The following TDRD3 variants were observed in gnomAD, a reference collection of about 807,000 sequenced individuals.
The protein encoded by TDRD3 is tudor domain containing 3.
In TDRD3, 45 loss-of-function variants were observed where a neutral mutation model predicts 86.7. The ratio of observed to expected loss-of-function variants is 0.52; its 90% CI spans 0.41 to 0.67. The LOEUF is 0.67. Ranked by LOEUF, TDRD3 falls within the 30% of genes least tolerant of loss-of-function variation. TDRD3 has a pLI of 0.00. For synonymous variants in TDRD3, 298 were observed against 301.7 expected (o/e 0.99, Z 0.13); for missense variants, 814 against 889.0 (o/e 0.92, Z 1.07).
At chr13:60,545,509 G>A (rs1957919449) in intron 12 of TDRD3, among the ~76,000 whole-genome samples, 1 of 152,010 alleles carries the variant, frequency 6.6e-6, no homozygotes, top group Non-Finnish European at 1.5e-5. Context: ...GATTCAAACT[G>A]TAAAATTTAG....
At chr13:60,412,898 A>G (rs1954399583) in intron 1 of TDRD3, among the ~76,000 whole-genome samples, 1 of 152,180 alleles carries the variant, frequency 6.6e-6, no homozygotes, top group African/African-American at 2.4e-5. Context: ...TATGTAAAAT[A>G]TGATTATAGA....
At chr13:60,422,374 C>T (rs1201269269) in intron 1 of TDRD3, among the ~76,000 whole-genome samples, 2 of 152,070 alleles carry the variant, frequency 1.3e-5, no homozygotes, top group Non-Finnish European at 2.9e-5. Flanking sequence ...TGTAAAACAG[C>T]CCAATGTCAC....
chr13:60,432,257 A>G (rs1416487915), intron 1 of TDRD3, among the ~76,000 whole-genome samples: 1 of 152,058 alleles, frequency 6.6e-6, no homozygotes, highest in African/African-American at 2.4e-5. Context: ...CTGGTGTTCC[A>G]TTTTATATTC....
At chr13:60,488,463 A>G (rs1956500276) in intron 7 of TDRD3, among the ~76,000 whole-genome samples, 1 of 152,218 alleles carries the variant, frequency 6.6e-6, no homozygotes, top group Non-Finnish European at 1.5e-5. Flanking sequence ...GGCTGATTTC[A>G]ATGGTAAATG....
At chr13:60,522,620 T>A (rs1260175253) in intron 10 of TDRD3, among the ~76,000 whole-genome samples, 2 of 152,186 alleles carry the variant, frequency 1.3e-5, no homozygotes, top group African/African-American at 4.8e-5. Context: ...TAAAAAGCTA[T>A]GTAGTCTTTC....
At chr13:60,459,917 G>A (rs907919656) in intron 3 of TDRD3, among the ~76,000 whole-genome samples, 4 of 152,050 alleles carry the variant, frequency 2.6e-5, no homozygotes, top group Non-Finnish European at 4.4e-5. Context: ...TACCACACCC[G>A]GTCCAGAGAG....
In TDRD3 at chr13:60,547,173, A is replaced by G. The variant is rs1017329960; in HGVS notation, c.2118+11940A>G. ...ACTTTGAGGTTGCAATGAATTTCAC[A>G]TAAATGGCAAAGTATAACCAAAAAA... On this transcript the variant is annotated intron_variant, in intron 12 of 13. Transcript: ENST00000377881. The G allele has an allele frequency of 8.5e-6, 7 of 824,226 alleles. No homozygotes were observed. In the East Asian group the frequency reaches 8.6e-4, roughly 102 times the overall value. The allele number at this position is 824,226 out of a possible 1,614,324, so 51.1% of individuals were successfully genotyped here. A position where few individuals can be genotyped will look rare whatever the true frequency, so the allele number is the denominator to read the frequency against.
chr13:60,425,273 CGAAT>C (rs2098315234), intron 1 of TDRD3, among the ~76,000 whole-genome samples: 1 of 152,076 alleles, frequency 6.6e-6, no homozygotes, highest in African/African-American at 2.4e-5. Context: ...CTCAAGATCA[CGAAT>C]GATCAGGGAC....
chr13:60,457,587 A>G (rs1384225326), intron 3 of TDRD3, among the ~76,000 whole-genome samples: 1 of 152,232 alleles, frequency 6.6e-6, no homozygotes, highest in Non-Finnish European at 1.5e-5. Flanking sequence ...CAGGTAACTC[A>G]TTCCATAAGT....
At chr13:60,493,672 A>G (rs1956651748) in intron 7 of TDRD3, among the ~76,000 whole-genome samples, 1 of 152,182 alleles carries the variant, frequency 6.6e-6, no homozygotes, top group Non-Finnish European at 1.5e-5. Context: ...AAAAACAAAA[A>G]CAAAATCTAT....
At chr13:60,556,164 C>T (rs1458816495) in intron 12 of TDRD3, among the ~76,000 whole-genome samples, 2 of 152,116 alleles carry the variant, frequency 1.3e-5, no homozygotes, top group African/African-American at 4.8e-5. Context: ...TTCTTTTAAC[C>T]TATTATTCCA....
chr13:60,489,781 T>C (rs1956539499), intron 7 of TDRD3, among the ~76,000 whole-genome samples: 1 of 152,194 alleles, frequency 6.6e-6, no homozygotes, highest in African/African-American at 2.4e-5. Flanking sequence ...TTTATATAAT[T>C]TGCATGAAAT....
At chr13:60,458,321 T>C (rs1325481025) in intron 3 of TDRD3, among the ~76,000 whole-genome samples, 1 of 152,196 alleles carries the variant, frequency 6.6e-6, no homozygotes, top group Admixed American at 6.5e-5. Flanking sequence ...TGAGTAAAAC[T>C]AGGTAATGTA....
chr13:60,471,490 A>G (rs888610431), intron 5 of TDRD3, among the ~76,000 whole-genome samples: 3 of 152,000 alleles, frequency 2.0e-5, no homozygotes, highest in Non-Finnish European at 4.4e-5. Context: ...TGTTTTGGCT[A>G]TTCAGTATTG....
At chr13:60,528,136 GGT>G (rs1191093798) in intron 10 of TDRD3, among the ~76,000 whole-genome samples, 1 of 152,036 alleles carries the variant, frequency 6.6e-6, no homozygotes, top group African/African-American at 2.4e-5. Context: ...ATTTTTCTGT[GGT>G]CCCTTTTACT....
chr13:60,539,425 A>G (rs946940848), intron 12 of TDRD3, among the ~76,000 whole-genome samples: 2 of 152,082 alleles, frequency 1.3e-5, no homozygotes, highest in Admixed American at 1.3e-4. Flanking sequence ...TTAAATAATT[A>G]TAGGTTATTA....
chr13:60,509,712 C>T, intron 8 of TDRD3, 51 bp from the exon 9 acceptor site: 1 of 1,608,342 alleles, frequency 6.2e-7, no homozygotes, highest in Non-Finnish European at 8.5e-7. Flanking sequence ...AAAGTTTATG[C>T]CTTGCCTTAT....
intron 5 of TDRD3, among the ~76,000 whole-genome samples, chr13:60,473,320 T>C (rs1956110704): frequency 6.6e-6 from 1 of 152,254 alleles, no homozygotes. Context: ...TTGAAGGTCC[T>C]ACCTCTTAAC....
At position 60,490,410 on chromosome 13, in the gene TDRD3, G is replaced by A. The variant is rs113787174; in HGVS notation, c.718-4025G>A. On this transcript the variant is annotated intron_variant, in intron 7 of 13. Transcript: ENST00000377881. ...AAAGCAGGAGCACAGAGAAACAGCGGAGTGGCCAGTGGAAGCAGAGAGAAC... is the reference window on the plus strand; with the variant it reads ...AAAGCAGGAGCACAGAGAAACAGCGAAGTGGCCAGTGGAAGCAGAGAGAAC... 3.4e-3 allele frequency among the ~76,000 whole-genome samples: 512 copies of A among 152,296 alleles called. 4 individuals carry two copies. The highest frequency in any genetic ancestry group is 0.012 in the African/African-American group (488 of 41,568).
Sources: allele counts gnomAD v4.1 joint callset (sites outside exome capture counted in the v4.1 genomes callset), GRCh38; gene constraint gnomAD v4.1.1; transcripts MANE v1.5; gene names NCBI Gene and HGNC (gene_info 2026-07-23, HGNC 2026-07-21).